The following TTC39A variants were observed in gnomAD, a reference collection of about 807,000 sequenced individuals.
TTC39A encodes the protein tetratricopeptide repeat domain 39A.
In TTC39A, 46 loss-of-function variants were observed where a neutral mutation model predicts 82.3. The ratio of observed to expected loss-of-function variants is 0.56; its 90% CI spans 0.44 to 0.71. The LOEUF (loss-of-function observed/expected upper bound fraction) is 0.71, where lower values mean the gene tolerates loss of function less well. Ranked by LOEUF, TTC39A falls within the 30% of genes least tolerant of loss-of-function variation. TTC39A has a pLI of 0.00. For synonymous variants in TTC39A, 254 were observed against 275.2 expected (o/e 0.92, Z 0.76); for missense variants, 543 against 712.9 (o/e 0.76, Z 2.71).
intron 14 of TTC39A, among the ~76,000 whole-genome samples, chr1:51,292,116 T>C (rs1277844336): frequency 6.6e-6 from 1 of 152,026 alleles, no homozygotes; most frequent in Admixed American, 6.6e-5. Context: ...CCCAGGAGTT[T>C]GAGGCTGTGG....
intron 12 of TTC39A, chr1:51,298,108 A>T (rs1644511865): frequency 6.6e-6 from 1 of 152,192 alleles, no homozygotes; most frequent in African/African-American, 2.4e-5. Flanking sequence ...CTTGTTCTTC[A>T]CTGCACTTAC....
Position 51,303,207 on chromosome 1 carries a change from G to A in TTC39A, c.655-15C>T. The stretch of plus-strand genomic sequence containing the variant: ...AGCCCATAGTCCTGAGGGGATGGGA[G>A]GGTGGGTGAGGCTCCCAGAGAGGGC... On this transcript the variant is annotated splice_polypyrimidine_tract_variant and intron_variant, in intron 8 of 17. Transcript: ENST00000680483. The A allele has an allele frequency of 6.7e-7, 1 of 1,501,940 alleles. No homozygotes were observed. The allele number at this position is 1,501,940 out of a possible 1,614,324, so 93.0% of individuals were successfully genotyped here. A position where few individuals can be genotyped will look rare whatever the true frequency, so the allele number is the denominator to read the frequency against.
chr1:51,310,501 C>T (rs1645043697), intron 5 of TTC39A, among the ~76,000 whole-genome samples: 1 of 152,230 alleles, frequency 6.6e-6, no homozygotes, highest in East Asian at 1.9e-4. Context: ...TCTCATCTCT[C>T]CAGGTCAAAA....
chr1:51,294,788 C>T lies in TTC39A; in HGVS notation c.1146-277G>A, dbSNP rs1489965976. ...GAGAGTGTGCCAAACACCCCTGGGC[C>T]GGCCCTGCCTCCTAGTTATCGCCTC... On this transcript the variant is annotated intron_variant, in intron 13 of 17. Coordinates refer to ENST00000680483, the MANE Select transcript of TTC39A (RefSeq NM_001297663.2). The surrounding 1 kb of genome is among the most constrained non-coding windows in gnomAD (Gnocchi z 4.3). Among the ~76,000 whole-genome samples, 1 of 152,176 alleles carries T rather than the reference C, an allele frequency of 6.6e-6. No homozygotes were observed. Among genetic ancestry groups the T allele is most frequent in the Non-Finnish European group, 1.5e-5 (1 of 68,024 alleles).
At chr1:51,315,266 T>G (rs1645240981) in intron 2 of TTC39A, among the ~76,000 whole-genome samples, 1 of 152,148 alleles carries the variant, frequency 6.6e-6, no homozygotes, top group Admixed American at 6.5e-5. Flanking sequence ...CTCCCCAGCC[T>G]ACCTCCTGGA....
Position 51,290,094 on chromosome 1 carries a change from C to T in TTC39A, c.1404G>A (p.Glu468=). The stretch of plus-strand genomic sequence containing the variant: ...GGCCTTTCAACAATTTCACCAAGCA[C>T]TCGTCATCCACTGAGTACTCGTTCT... ...GPENEYSVDD[E]CLVKLLKGLC... Residue 468 remains glutamate (E), a synonymous_variant, in exon 16 of 18, where the codon GAG becomes GAA. Transcript: ENST00000680483. 9 of 1,613,956 alleles carry T rather than the reference C, an allele frequency of 5.6e-6. No individual in the cohort carries two copies. The highest frequency in any genetic ancestry group is 7.6e-6 in the Non-Finnish European group (9 of 1,179,882).
chr1:51,331,250 C>T (rs924212033), upstream of TTC39A: 1 of 1,549,264 alleles, frequency 6.5e-7, no homozygotes, highest in East Asian at 2.4e-5. Flanking sequence ...CCCTGCATTC[C>T]CAGTGCCTGT....
chr1:51,294,294 G>T lies in TTC39A; in HGVS notation c.1266+97C>A, dbSNP rs1490126130. 3.8e-6 allele frequency: 6 copies of T among 1,577,404 alleles called. No individual in the cohort carries two copies. The highest frequency in any genetic ancestry group is 4.3e-6 in the Non-Finnish European group (5 of 1,159,370). ...CTCCCCAGGCCCCTGAGGCATGAAG[G>T]TCTTTCTCCTCATCCACCTCCCCCT... On this transcript the variant is annotated intron_variant, in intron 14 of 17. Transcript: ENST00000680483. The surrounding 1 kb of genome is among the most constrained non-coding windows in gnomAD (Gnocchi z 4.3).
chr1:51,299,556 C>G (rs2148159398), intron 12 of TTC39A: 1 of 152,432 alleles, frequency 6.6e-6, no homozygotes, highest in Admixed American at 6.5e-5. Flanking sequence ...CCCCAGAACT[C>G]AGAGGGTTAC....
Position 51,312,181 on chromosome 1 carries a change from G to A in TTC39A, c.293C>T (p.Ser98Phe). ...QMLCQRHRRKSSVTDSFSSLV... is the reference protein window; with the variant it reads ...QMLCQRHRRKFSVTDSFSSLV... Reference sequence around the variant, plus strand: ...GCTGCTGAAGGAATCTGTTACAGAAGACTTCCTCCGGTGCCTGAAGAGGAA... The same window carrying A: ...GCTGCTGAAGGAATCTGTTACAGAAAACTTCCTCCGGTGCCTGAAGAGGAA... Residue 98 changes from serine to phenylalanine, a missense_variant, in exon 4 of 18, where the codon TCT (serine) becomes TTT (phenylalanine). By Grantham distance (155) the Ser-to-Phe change is radical. Transcript: ENST00000680483. The A allele has an allele frequency of 1.2e-6, 2 of 1,608,898 alleles. No homozygotes were observed. The highest frequency in any genetic ancestry group is 1.7e-6 in the Non-Finnish European group (2 of 1,177,798).
At chr1:51,291,916 A>G (rs1644241170) in intron 14 of TTC39A, among the ~76,000 whole-genome samples, 2 of 152,078 alleles carry the variant, frequency 1.3e-5, no homozygotes, top group Non-Finnish European at 2.9e-5. Flanking sequence ...AATTAGGCTG[A>G]ATGCAGTGGC....
At chr1:51,314,077 G>C (rs150274552) in intron 2 of TTC39A, among the ~76,000 whole-genome samples, 53 of 152,280 alleles carry the variant, frequency 3.5e-4, no homozygotes, top group African/African-American at 1.2e-3. Flanking sequence ...CCTCAGCACC[G>C]ATGTCAGGGC....
chr1:51,313,546 A>G (rs1569910976), intron 2 of TTC39A, among the ~76,000 whole-genome samples: 2 of 151,842 alleles, frequency 1.3e-5, no homozygotes, highest in African/African-American at 4.8e-5. Context: ...GGCTCTGCCC[A>G]CCTCTCCAGC....
At chr1:51,318,271 G>A (rs998258284) in intron 2 of TTC39A, among the ~76,000 whole-genome samples, 7 of 152,174 alleles carry the variant, frequency 4.6e-5, no homozygotes, top group African/African-American at 1.4e-4. Flanking sequence ...GCTCGAGTGA[G>A]TGACAGGAAA....
upstream of TTC39A, among the ~76,000 whole-genome samples, chr1:51,336,005 C>T (rs1645970023): frequency 6.6e-6 from 1 of 151,734 alleles, no homozygotes. Flanking sequence ...TTCCCCCAGG[C>T]CTTTCCCTGG....
intron 8 of TTC39A, among the ~76,000 whole-genome samples, chr1:51,304,507 C>T (rs1557713735): frequency 6.6e-6 from 1 of 152,172 alleles, no homozygotes; most frequent in South Asian, 2.1e-4. Flanking sequence ...CTCCTAACTT[C>T]CAGGCCAGTG....
intron 12 of TTC39A, 75 bp downstream of exon 12, chr1:51,301,497 G>A: frequency 1.3e-6 from 2 of 1,490,384 alleles, no homozygotes; most frequent in Admixed American, 4.1e-5. Flanking sequence ...GTTCAGTTAG[G>A]GATTTGGCCC....
At chr1:51,322,989 C>T (rs966794060) in intron 1 of TTC39A, among the ~76,000 whole-genome samples, 1 of 152,190 alleles carries the variant, frequency 6.6e-6, no homozygotes, top group African/African-American at 2.4e-5. Flanking sequence ...CTGTTCTCCC[C>T]CAGTCTTTGC....
chr1:51,335,821 ATTG>A (rs1337914953), upstream of TTC39A, among the ~76,000 whole-genome samples: 13 of 152,224 alleles, frequency 8.5e-5, no homozygotes, highest in South Asian at 1.0e-3. Flanking sequence ...ACATGATGCC[ATTG>A]TTGTAGAAAG....
Sources: allele counts gnomAD v4.1 joint callset (sites outside exome capture counted in the v4.1 genomes callset), GRCh38; gene constraint gnomAD v4.1.1; non-coding constraint Gnocchi (gnomAD v3.1); transcripts MANE v1.5; gene names NCBI Gene and HGNC (gene_info 2026-07-23, HGNC 2026-07-21).